Variants in SMCHD1 observed in about 807,000 individuals in gnomAD.
The protein encoded by SMCHD1 is structural maintenance of chromosomes flexible hinge domain containing 1, also known as structural maintenance of chromosomes flexible hinge domain-containing protein 1.
Under a neutral mutation model 254.7 loss-of-function variants are expected in SMCHD1, and 78 were observed. That is an observed-to-expected ratio of 0.31 (90% CI 0.26 to 0.37). The LOEUF is 0.37. Ranked by LOEUF, SMCHD1 falls within the 10% of genes least tolerant of loss-of-function variation. The pLI, the probability that SMCHD1 is intolerant of heterozygous loss-of-function variation, is 1.00. For missense variants in SMCHD1, 1,840 were observed against 2,408.1 expected, an observed-to-expected ratio of 0.76 and a Z score of 4.94; for synonymous variants, 766 against 794.9, an observed-to-expected ratio of 0.96 and a Z score of 0.61.
Position 2,656,193 on chromosome 18 carries a change from C to T in SMCHD1, c.118C>T (p.Leu40Phe). ...TGATCGGCGCGAAAAGGAGTCCGAG[C>T]TCGGGGACCGGCCTCTGCAGGTCGG... ...LFDRREKESELGDRPLQVGER... is the reference protein window; with the variant it reads ...LFDRREKESEFGDRPLQVGER... Residue 40 changes from leucine (L) to phenylalanine (F), a missense_variant, in exon 1 of 48, where the codon CTC becomes TTC. By Grantham distance (22) the Leu-to-Phe change is conservative. Around this residue, in one of 9 missense-constraint regions of SMCHD1, gnomAD observed 115 missense variants for 99.1 expected, o/e 1.16. Coordinates refer to ENST00000320876, the MANE Select transcript of SMCHD1 (RefSeq NM_015295.3). 6.6e-7 allele frequency: 1 copy of T among 1,505,778 alleles called. No individual in the cohort carries two copies. Among genetic ancestry groups the T allele is most frequent in the Non-Finnish European group, 8.8e-7 (1 of 1,132,894 alleles). The allele number at this position is 1,505,778 out of a possible 1,614,324, so 93.3% of individuals were successfully genotyped here.
intron 19 of SMCHD1, among the ~76,000 whole-genome samples, chr18:2,721,365 C>T (rs1232303030): frequency 6.6e-6 from 1 of 151,934 alleles, no homozygotes; most frequent in African/African-American, 2.4e-5. Flanking sequence ...GAAGGCCCAC[C>T]TTGGAGTGTG....
chr18:2,687,883 G>C (rs1400057849), intron 5 of SMCHD1, among the ~76,000 whole-genome samples: 10 of 152,090 alleles, frequency 6.6e-5, no homozygotes, highest in African/African-American at 2.4e-4. Flanking sequence ...TGATAATGGG[G>C]GATGATGTCC....
chr18:2,782,349 A>T (rs927681183), intron 44 of SMCHD1, among the ~76,000 whole-genome samples: 3 of 152,216 alleles, frequency 2.0e-5, no homozygotes, highest in Non-Finnish European at 4.4e-5. Flanking sequence ...TCATTATAAA[A>T]GGAGAGCCAA....
rs2076386073 is a variant in SMCHD1 at position 2,802,670 on chromosome 18, G to A, written c.*118G>A. On this transcript the variant is annotated 3_prime_UTR_variant, in exon 48 of 48. Transcript: ENST00000320876. ...CTGAGTATTTCTGGGGACAATACAA[G>A]TACCTGGGCATGAATTTCCATTTCG... 3.4e-5 allele frequency: 29 copies of A among 853,546 alleles called. No individual in the cohort carries two copies. The East Asian group carries it at 8.7e-4, about 26-fold the overall frequency. 52.9% of individuals were successfully genotyped at this position (853,546 alleles called of 1,614,324 possible). A position where few individuals can be genotyped will look rare whatever the true frequency, so the allele number is the denominator to read the frequency against.
At position 2,790,290 on chromosome 18, in the gene SMCHD1, G is replaced by A. The variant is rs74904308; in HGVS notation, c.5720-5659G>A. Among the ~76,000 whole-genome samples the A allele has an allele frequency of 7.7e-3, 1,176 of 152,170 alleles. 24 individuals are homozygous for A. The highest frequency in any genetic ancestry group is 0.026 in the African/African-American group (1,091 of 41,524). On this transcript the variant is annotated intron_variant, in intron 45 of 47. Coordinates refer to ENST00000320876, the MANE Select transcript of SMCHD1 (RefSeq NM_015295.3). Reference sequence around the variant, plus strand: ...TTGCTTTCTACAAATTCAATTACCCGAAGTCAATGACAGTCCAAAATAGGT... The same window carrying A: ...TTGCTTTCTACAAATTCAATTACCCAAAGTCAATGACAGTCCAAAATAGGT...
At chr18:2,728,031 C>T (rs2075059456) in intron 22 of SMCHD1, among the ~76,000 whole-genome samples, 1 of 152,084 alleles carries the variant, frequency 6.6e-6, no homozygotes, top group Non-Finnish European at 1.5e-5. Context: ...ATGACCTGAT[C>T]ATGTCATTAC....
At chr18:2,673,699 G>A (rs1301063428) in intron 4 of SMCHD1, among the ~76,000 whole-genome samples, 1 of 152,078 alleles carries the variant, frequency 6.6e-6, no homozygotes, top group Non-Finnish European at 1.5e-5. Flanking sequence ...TGAACATTTA[G>A]ATTTTTTTTC....
intron 17 of SMCHD1, among the ~76,000 whole-genome samples, chr18:2,709,551 G>T (rs1293187715): frequency 6.6e-6 from 1 of 151,968 alleles, no homozygotes; most frequent in East Asian, 1.9e-4. Flanking sequence ...GTTTTTTTGT[G>T]GGGGACGGAT....
At chr18:2,699,870 A>G (rs2074364166) in intron 10 of SMCHD1, among the ~76,000 whole-genome samples, 1 of 152,222 alleles carries the variant, frequency 6.6e-6, no homozygotes, top group Non-Finnish European at 1.5e-5. Context: ...GGGTAAACTA[A>G]TTCCAGGGTA....
intron 1 of SMCHD1, among the ~76,000 whole-genome samples, chr18:2,657,764 A>G (rs2073115455): frequency 6.6e-6 from 1 of 152,188 alleles, no homozygotes; most frequent in African/African-American, 2.4e-5. Context: ...TCCATTTGCT[A>G]CCACTATTTA....
chr18:2,747,410 A>G lies in SMCHD1; in HGVS notation c.3802-112A>G, dbSNP rs1042827000. The stretch of plus-strand genomic sequence containing the variant: ...TTCATTTTCATTGACCAAAGAAGCC[A>G]TTTGCAAATAGAACAGAGATAAATT... On this transcript the variant is annotated intron_variant, in intron 29 of 47. Coordinates refer to ENST00000320876, the MANE Select transcript of SMCHD1 (RefSeq NM_015295.3). 1.1e-5 allele frequency: 10 copies of G among 912,970 alleles called. No individual in the cohort carries two copies. In the South Asian group the frequency reaches 1.4e-4, roughly 12 times the overall value. 56.6% of individuals were successfully genotyped at this position (912,970 alleles called of 1,614,324 possible).
At chr18:2,715,985 G>A (rs1197659379) in intron 17 of SMCHD1, among the ~76,000 whole-genome samples, 1 of 152,098 alleles carries the variant, frequency 6.6e-6, no homozygotes, top group Non-Finnish European at 1.5e-5. Flanking sequence ...AATATTTTCT[G>A]TATTGTCCTG....
At chr18:2,702,929 C>T (rs906959646) in intron 12 of SMCHD1, among the ~76,000 whole-genome samples, 1 of 152,160 alleles carries the variant, frequency 6.6e-6, no homozygotes, top group Non-Finnish European at 1.5e-5. Flanking sequence ...CTTACCTCCT[C>T]ATTGCCCTAG....
intron 44 of SMCHD1, among the ~76,000 whole-genome samples, chr18:2,783,788 G>A (rs2076196310): frequency 1.3e-5 from 2 of 152,040 alleles, no homozygotes; most frequent in Non-Finnish European, 1.5e-5. Flanking sequence ...GGTCAGGCTG[G>A]TCTCGAACTC....
At chr18:2,711,544 G>A (rs535493884) in intron 17 of SMCHD1, among the ~76,000 whole-genome samples, 2 of 145,708 alleles carry the variant, frequency 1.4e-5, no homozygotes, top group Admixed American at 1.4e-4. Context: ...GTGCAGTGGC[G>A]GGATCTCGGC....
chr18:2,800,340 C>T (rs922135383), intron 47 of SMCHD1, among the ~76,000 whole-genome samples: 4 of 152,066 alleles, frequency 2.6e-5, no homozygotes, highest in African/African-American at 9.7e-5. Context: ...GAAAAGATGC[C>T]ACTACAAAGT....
chr18:2,685,104 T>TTTTA (rs1269821267), intron 5 of SMCHD1, among the ~76,000 whole-genome samples: 4 of 133,076 alleles, frequency 3.0e-5, no homozygotes, highest in Non-Finnish European at 4.9e-5. Context: ...ATTTTTTTCT[T>TTTTA]TTTTTTTTTT....
chr18:2,772,105 C>G, intron 40 of SMCHD1, 145 bp from the exon 41 acceptor site: 1 of 561,346 alleles, frequency 1.8e-6, no homozygotes, highest in South Asian at 4.9e-5. Context: ...TGTGTATTTT[C>G]TGATAGTTTT....
intron 10 of SMCHD1, among the ~76,000 whole-genome samples, chr18:2,699,624 G>GC (rs1268083009): frequency 6.6e-6 from 1 of 152,232 alleles, no homozygotes; most frequent in Non-Finnish European, 1.5e-5. Flanking sequence ...ACAGGCGTAA[G>GC]CCCCTGTGCC....
Sources: allele counts gnomAD v4.1 joint callset (sites outside exome capture counted in the v4.1 genomes callset), GRCh38; gene constraint gnomAD v4.1.1; regional missense constraint gnomAD v4.1.1; transcripts MANE v1.5; gene names NCBI Gene and HGNC (gene_info 2026-07-23, HGNC 2026-07-21).